The following POU2F1 variants were observed in gnomAD, a reference collection of about 807,000 sequenced individuals.
The protein encoded by POU2F1 is POU class 2 homeobox 1.
Under a neutral mutation model 84.9 loss-of-function variants are expected in POU2F1, and 16 were observed. The observed-to-expected ratio is 0.19, with a 90% confidence interval of 0.13 to 0.29. The LOEUF is 0.29. Among genes scored for constraint, POU2F1 ranks in the 10% least tolerant of loss-of-function variants. The probability of loss-of-function intolerance (pLI) is 1.00; values close to 1 mark genes in which losing one functional copy is unlikely to be tolerated. For synonymous variants in POU2F1, 368 were observed against 368.3 expected (o/e 1.00, Z 0.01); for missense variants, 738 against 942.6 (o/e 0.78, Z 2.84).
At chr1:167,325,266 G>C (rs1656619404) in intron 1 of POU2F1, among the ~76,000 whole-genome samples, 1 of 152,134 alleles carries the variant, frequency 6.6e-6, no homozygotes, top group Non-Finnish European at 1.5e-5. Context: ...AGATTGGCTG[G>C]GGTGAAACCA....
intron 7 of POU2F1, among the ~76,000 whole-genome samples, chr1:167,378,762 T>C (rs1416802909): frequency 1.3e-5 from 2 of 151,990 alleles, no homozygotes; most frequent in Non-Finnish European, 2.9e-5. Context: ...ATTCACAGGC[T>C]CCTCGTTCTT....
chr1:167,269,362 T>C lies in POU2F1; in HGVS notation c.61+48404T>C, dbSNP rs79550525. Among the ~76,000 whole-genome samples, 675 of 152,330 alleles carry C rather than the reference T, an allele frequency of 4.4e-3. 5 individuals are homozygous for C. Among genetic ancestry groups the C allele is most frequent in the African/African-American group, 0.015 (631 of 41,570 alleles). On this transcript the variant is annotated intron_variant, in intron 1 of 15. Coordinates refer to ENST00000367866, the MANE Select transcript of POU2F1 (RefSeq NM_002697.4). ...CTACTGTTAACCGTTGAGAAAAACA[T>C]TGTCAGGTTAGCAAGTCTATTGAAA...
chr1:167,300,318 G>T (rs73022228), intron 1 of POU2F1, among the ~76,000 whole-genome samples: 1 of 152,194 alleles, frequency 6.6e-6, no homozygotes, highest in Admixed American at 6.5e-5. Context: ...ATCAGGTACC[G>T]TATTCACTGT....
chr1:167,265,224 G>A (rs1053386109), intron 1 of POU2F1, among the ~76,000 whole-genome samples: 1 of 152,170 alleles, frequency 6.6e-6, no homozygotes, highest in East Asian at 1.9e-4. Flanking sequence ...ACAGTTTAAA[G>A]GGTCTGAGTC....
intron 1 of POU2F1, among the ~76,000 whole-genome samples, chr1:167,269,211 G>A (rs775646610): frequency 6.6e-6 from 1 of 152,188 alleles, no homozygotes; most frequent in Non-Finnish European, 1.5e-5. Context: ...AACTTAAAAT[G>A]TGAGAAATTA....
At chr1:167,311,739 A>C (rs1571276936) in intron 1 of POU2F1, among the ~76,000 whole-genome samples, 1 of 151,956 alleles carries the variant, frequency 6.6e-6, no homozygotes, top group South Asian at 2.1e-4. Context: ...ATGTCTTTGT[A>C]TTTTAAGCTA....
chr1:167,316,635 T>A lies in POU2F1; in HGVS notation c.62-15835T>A, dbSNP rs538213622. Among the ~76,000 whole-genome samples the A allele has an allele frequency of 3.3e-5, 5 of 152,344 alleles. No homozygotes were observed. The East Asian group carries it at 5.8e-4, about 18-fold the overall frequency. ...AATGAGGAGGAATGTATCTTTAGAT[T>A]TTATATCTGATATAGAACTCTGAGA... On this transcript the variant is annotated intron_variant, in intron 1 of 15. Transcript: ENST00000367866.
At chr1:167,374,692 A>G (rs1004734638) in intron 6 of POU2F1, among the ~76,000 whole-genome samples, 2 of 152,122 alleles carry the variant, frequency 1.3e-5, no homozygotes, top group Admixed American at 6.5e-5. Context: ...TCTGCTATGG[A>G]GTGATTAACA....
chr1:167,222,168 T>C (rs950281015), intron 1 of POU2F1, among the ~76,000 whole-genome samples: 7 of 152,152 alleles, frequency 4.6e-5, no homozygotes, highest in African/African-American at 1.7e-4. Flanking sequence ...CAGAATGGGC[T>C]GGCCTGACAA....
chr1:167,372,170 C>G (rs756840620), intron 5 of POU2F1, 134 bp downstream of exon 5: 100 of 1,113,230 alleles, frequency 9.0e-5, no homozygotes, highest in Non-Finnish European at 1.2e-4. Context: ...CTTTAAGGAA[C>G]TTCCTACACT....
intron 1 of POU2F1, among the ~76,000 whole-genome samples, chr1:167,242,614 A>G (rs988748368): frequency 6.6e-6 from 1 of 152,214 alleles, no homozygotes; most frequent in East Asian, 1.9e-4. Flanking sequence ...CTTCCATGGC[A>G]TAATTTTACC....
At chr1:167,258,318 C>T (rs1432143227) in intron 1 of POU2F1, among the ~76,000 whole-genome samples, 1 of 152,184 alleles carries the variant, frequency 6.6e-6, no homozygotes, top group Non-Finnish European at 1.5e-5. Context: ...CAAGAATTAG[C>T]AACTTTCTTC....
intron 8 of POU2F1, among the ~76,000 whole-genome samples, chr1:167,387,527 G>C (rs1557948617): frequency 6.6e-6 from 1 of 152,236 alleles, no homozygotes; most frequent in Non-Finnish European, 1.5e-5. Flanking sequence ...GTTGTCGCCT[G>C]TGTAATGCTT....
chr1:167,275,619 A>G (rs1652675794), intron 1 of POU2F1, among the ~76,000 whole-genome samples: 3 of 152,106 alleles, frequency 2.0e-5, no homozygotes, highest in Admixed American at 2.0e-4. Context: ...CATTTGAATC[A>G]CCTGGCAGAA....
chr1:167,307,998 G>C (rs1655197992), intron 1 of POU2F1, among the ~76,000 whole-genome samples: 1 of 151,904 alleles, frequency 6.6e-6, no homozygotes, highest in African/African-American at 2.4e-5. Flanking sequence ...ATGCATCTTT[G>C]ACAGGAGTGT....
intron 13 of POU2F1, among the ~76,000 whole-genome samples, chr1:167,407,070 G>A (rs995813944): frequency 6.6e-6 from 1 of 151,148 alleles, no homozygotes; most frequent in Non-Finnish European, 1.5e-5. Context: ...TTCGAGACAG[G>A]GTATTGCCCT....
At chr1:167,340,308 G>C (rs1657750639) in intron 2 of POU2F1, among the ~76,000 whole-genome samples, 1 of 152,134 alleles carries the variant, frequency 6.6e-6, no homozygotes, top group Non-Finnish European at 1.5e-5. Context: ...TCGAACTCCT[G>C]ACCTCAGGTG....
At chr1:167,381,124 C>G (rs1191624448) in intron 7 of POU2F1, 1 of 152,126 alleles carries the variant, frequency 6.6e-6, no homozygotes, top group African/African-American at 2.4e-5. Context: ...GCTCTGTCGC[C>G]CAGGCTGGAG....
intron 2 of POU2F1, among the ~76,000 whole-genome samples, chr1:167,348,038 AT>A (rs1279415376): frequency 6.6e-6 from 1 of 152,074 alleles, no homozygotes; most frequent in Non-Finnish European, 1.5e-5. Context: ...GTTTTCATTT[AT>A]TTTGGGTATA....
Sources: allele counts gnomAD v4.1 joint callset (sites outside exome capture counted in the v4.1 genomes callset), GRCh38; gene constraint gnomAD v4.1.1; transcripts MANE v1.5; gene names NCBI Gene and HGNC (gene_info 2026-07-23, HGNC 2026-07-21).